GPC5: variants seen among roughly 807,000 people sequenced by gnomAD.
The protein encoded by GPC5 is glypican-5.
A neutral mutation model predicts 53.9 loss-of-function variants in GPC5; 47 were observed. That is an observed-to-expected ratio of 0.87 (90% CI 0.69 to 1.11). GPC5 has a LOEUF of 1.11. Ranked by LOEUF, GPC5 falls within the 50% of genes most tolerant of loss-of-function variation. The probability of loss-of-function intolerance (pLI) is 0.00; values close to 1 mark genes in which losing one functional copy is unlikely to be tolerated. For missense variants in GPC5, 748 were observed against 713.1 expected, an observed-to-expected ratio of 1.05 and a Z score of -0.56; for synonymous variants, 286 against 263.3, an observed-to-expected ratio of 1.09 and a Z score of -0.84.
At chr13:92,494,538 G>A (rs896325836) in intron 7 of GPC5, among the ~76,000 whole-genome samples, 2 of 151,904 alleles carry the variant, frequency 1.3e-5, no homozygotes, top group South Asian at 2.1e-4. Flanking sequence ...TTTTCTTTTC[G>A]TATTCTAAGT....
At chr13:91,753,856 C>A (rs181244456) in intron 4 of GPC5, among the ~76,000 whole-genome samples, 98 of 152,180 alleles carry the variant, frequency 6.4e-4, no homozygotes, top group African/African-American at 2.4e-3. Flanking sequence ...TTCCTCTGTG[C>A]GCTAAAATTT....
intron 7 of GPC5, among the ~76,000 whole-genome samples, chr13:92,436,277 G>A (rs112567701): frequency 9.9e-5 from 15 of 151,918 alleles, no homozygotes; most frequent in African/African-American, 3.4e-4. Context: ...TACACAATCT[G>A]GTATATGAAT....
At chr13:91,669,101 G>A (rs975561923) in intron 2 of GPC5, among the ~76,000 whole-genome samples, 1 of 152,176 alleles carries the variant, frequency 6.6e-6, no homozygotes, top group Non-Finnish European at 1.5e-5. Flanking sequence ...TGCATGGAAT[G>A]CAGACCAGAA....
At chr13:92,169,035 T>C (rs1358786326) in intron 7 of GPC5, among the ~76,000 whole-genome samples, 1 of 152,138 alleles carries the variant, frequency 6.6e-6, no homozygotes, top group African/African-American at 2.4e-5. Context: ...AGCAGGGATA[T>C]GGATGGAGCT....
chr13:91,438,410 G>C (rs1880151132), intron 1 of GPC5, among the ~76,000 whole-genome samples: 2 of 152,188 alleles, frequency 1.3e-5, no homozygotes, highest in South Asian at 4.1e-4. Flanking sequence ...GTCTGTTGGA[G>C]TTTGCTGGAG....
At chr13:92,704,517 C>A (rs1887875569) in intron 7 of GPC5, among the ~76,000 whole-genome samples, 1 of 151,894 alleles carries the variant, frequency 6.6e-6, no homozygotes, top group Admixed American at 6.6e-5. Flanking sequence ...AAGCAAAATC[C>A]TTTCAAGAAT....
At chr13:91,610,533 A>G (rs1440230354) in intron 2 of GPC5, among the ~76,000 whole-genome samples, 1 of 152,202 alleles carries the variant, frequency 6.6e-6, no homozygotes, top group Non-Finnish European at 1.5e-5. Flanking sequence ...CGATATCAGC[A>G]TTCCACCAGG....
intron 5 of GPC5, among the ~76,000 whole-genome samples, chr13:91,879,975 A>G (rs943435065): frequency 1.4e-4 from 22 of 152,170 alleles, no homozygotes; most frequent in African/African-American, 4.3e-4. Flanking sequence ...AGAGTTGGTA[A>G]TAGTTATATT....
chr13:91,706,247 TAA>T (rs1395650754), intron 3 of GPC5, among the ~76,000 whole-genome samples: 1 of 152,086 alleles, frequency 6.6e-6, no homozygotes, highest in Non-Finnish European at 1.5e-5. Context: ...CTAAGATCTG[TAA>T]AGTTAGATTT....
chr13:92,476,350 T>A (rs1481707329), intron 7 of GPC5, among the ~76,000 whole-genome samples: 1 of 151,692 alleles, frequency 6.6e-6, no homozygotes, highest in Admixed American at 6.6e-5. Context: ...TGAGATACCA[T>A]CTCACACCAG....
Position 91,938,444 on chromosome 13 carries a change from C to G in GPC5, c.1401+30387C>G, listed in dbSNP as rs571957642. Among the ~76,000 whole-genome samples the G allele has an allele frequency of 9.9e-4, 151 of 152,178 alleles. 1 individual carries two copies. The highest frequency in any genetic ancestry group is 3.4e-3 in the African/African-American group (143 of 41,536). The stretch of plus-strand genomic sequence containing the variant: ...CCCTCATGACCCAAACACTTCCGAC[C>G]CGGCCCCAACTCCAGCATTGGGGAT... On this transcript the variant is annotated intron_variant, in intron 6 of 7. Coordinates refer to ENST00000377067, the MANE Select transcript of GPC5 (RefSeq NM_004466.6).
intron 6 of GPC5, among the ~76,000 whole-genome samples, chr13:92,071,018 A>G (rs2041206836): frequency 6.6e-6 from 1 of 152,090 alleles, no homozygotes; most frequent in Non-Finnish European, 1.5e-5. Flanking sequence ...CGGGCGGATC[A>G]CGAGGTCAGG....
intron 7 of GPC5, among the ~76,000 whole-genome samples, chr13:92,326,876 G>T (rs2043255172): frequency 6.6e-6 from 1 of 152,000 alleles, no homozygotes; most frequent in African/African-American, 2.4e-5. Flanking sequence ...CAGGCTCTAT[G>T]GTCAGGGAGG....
chr13:92,518,853 G>A (rs1212525643), intron 7 of GPC5, among the ~76,000 whole-genome samples: 2 of 152,178 alleles, frequency 1.3e-5, no homozygotes, highest in Non-Finnish European at 2.9e-5. Context: ...AAAGAGTCAA[G>A]ACCCTTCAGT....
intron 1 of GPC5, among the ~76,000 whole-genome samples, chr13:91,421,748 C>T (rs1878650095): frequency 6.6e-6 from 1 of 152,202 alleles, no homozygotes; most frequent in Non-Finnish European, 1.5e-5. Flanking sequence ...GTTTTACTAA[C>T]ACCTTTTGGC....
intron 7 of GPC5, among the ~76,000 whole-genome samples, chr13:92,330,447 A>G (rs1200043523): frequency 6.6e-6 from 1 of 152,120 alleles, no homozygotes; most frequent in Admixed American, 6.6e-5. Flanking sequence ...ATTTCCATGT[A>G]TATTGTTATC....
At chr13:91,742,757 A>G (rs2036963512) in intron 4 of GPC5, among the ~76,000 whole-genome samples, 1 of 152,174 alleles carries the variant, frequency 6.6e-6, no homozygotes, top group Non-Finnish European at 1.5e-5. Context: ...TTCGGGGAGC[A>G]TGACATTTAT....
chr13:92,628,035 C>T (rs1885101498), intron 7 of GPC5, among the ~76,000 whole-genome samples: 1 of 152,112 alleles, frequency 6.6e-6, no homozygotes, highest in African/African-American at 2.4e-5. Context: ...GTATTTTAAA[C>T]CATAAGCAGT....
intron 7 of GPC5, among the ~76,000 whole-genome samples, chr13:92,378,501 G>A (rs1263866774): frequency 6.6e-6 from 1 of 152,136 alleles, no homozygotes; most frequent in Admixed American, 6.6e-5. Context: ...AATTGGATAT[G>A]TGACACACTA....
Sources: gnomAD v4.1 joint callset for allele counts (sites outside exome capture counted in the v4.1 genomes callset) on GRCh38, gnomAD v4.1.1 for gene constraint, MANE v1.5 for transcripts, NCBI Gene and HGNC (gene_info 2026-07-23, HGNC 2026-07-21) for gene names.